The following NCAM1 variants were observed in gnomAD, a reference collection of about 807,000 sequenced individuals.
NCAM1 encodes the protein antigen recognized by monoclonal antibody 5.1H11.
Under a neutral mutation model 109.8 loss-of-function variants are expected in NCAM1, and 14 were observed. The observed-to-expected ratio is 0.13, with a 90% CI of 0.08 to 0.20. The LOEUF is 0.20. NCAM1 is among the 10% of genes least tolerant of loss of function. The pLI is 1.00. For synonymous variants in NCAM1, 418 were observed against 442.9 expected, an observed-to-expected ratio of 0.94 and a Z score of 0.70; for missense variants, 774 against 1,109.9, an observed-to-expected ratio of 0.70 and a Z score of 4.30.
intron 9 of NCAM1, chr11:113,231,425 C>T: frequency 1.0e-6 from 1 of 996,528 alleles, no homozygotes. Flanking sequence ...GTCTCATTTT[C>T]TGTTTCGGAT....
intron 9 of NCAM1, among the ~76,000 whole-genome samples, chr11:113,228,437 C>T (rs1944910133): frequency 6.6e-6 from 1 of 152,158 alleles, no homozygotes; most frequent in Non-Finnish European, 1.5e-5. Flanking sequence ...TAAGAGGATA[C>T]AAACAAATGG....
intron 1 of NCAM1, among the ~76,000 whole-genome samples, chr11:113,064,382 A>C (rs2135511410): frequency 6.6e-6 from 1 of 152,370 alleles, no homozygotes. Flanking sequence ...GGGTAAAAGA[A>C]TACATCTAAA....
chr11:113,064,784 C>T (rs1555083940), intron 1 of NCAM1, among the ~76,000 whole-genome samples: 1 of 152,154 alleles, frequency 6.6e-6, no homozygotes, highest in African/African-American at 2.4e-5. Flanking sequence ...TAATTTTCTT[C>T]TGAGGCACTT....
chr11:113,202,482 A>G, intron 2 of NCAM1, 29 bp downstream of exon 2: 1 of 1,584,798 alleles, frequency 6.3e-7, no homozygotes, highest in African/African-American at 1.4e-5. Context: ...GCTGCATTTT[A>G]GAACTTGCTT....
chr11:113,246,909 G>A lies in NCAM1; in HGVS notation c.1828+539G>A, dbSNP rs1462497413. Among the ~76,000 whole-genome samples, 4 of 152,214 alleles carry A rather than the reference G, an allele frequency of 2.6e-5. No homozygotes were observed. In the East Asian group the frequency reaches 7.7e-4, roughly 29 times the overall value. On this transcript the variant is annotated intron_variant, in intron 15 of 19. Coordinates refer to ENST00000316851, the MANE Select transcript of NCAM1 (RefSeq NM_181351.5). ...ACATTGAGGACTTTCTGAAATAAGA[G>A]ATTTAAGAATTTGGATTAGAGCAGT... is the stretch of plus-strand genomic sequence containing the variant.
intron 1 of NCAM1, among the ~76,000 whole-genome samples, chr11:113,004,446 C>G (rs890130965): frequency 6.6e-6 from 1 of 151,780 alleles, no homozygotes; most frequent in African/African-American, 2.4e-5. Flanking sequence ...GAGCCGAGAT[C>G]GTGCCACTGC....
At chr11:113,251,602 G>A (rs1271127162) in intron 15 of NCAM1, among the ~76,000 whole-genome samples, 1 of 152,154 alleles carries the variant, frequency 6.6e-6, no homozygotes, top group Non-Finnish European at 1.5e-5. Context: ...TTCCGTTGGT[G>A]TAGTCTTTAC....
At chr11:113,063,630 A>T (rs1296399274) in intron 1 of NCAM1, among the ~76,000 whole-genome samples, 3 of 152,164 alleles carry the variant, frequency 2.0e-5, no homozygotes, top group Admixed American at 2.0e-4. Context: ...CATTACTTGG[A>T]TGGGGTTCAG....
intron 1 of NCAM1, among the ~76,000 whole-genome samples, chr11:113,193,008 A>AT (rs1262849818): frequency 6.6e-6 from 1 of 152,188 alleles, no homozygotes; most frequent in Non-Finnish European, 1.5e-5. Context: ...GCTGCAGGAC[A>AT]TTCCTGCCTT....
At position 113,045,890 on chromosome 11, in the gene NCAM1, T is replaced by C. The variant is rs117138879; in HGVS notation, c.52+84226T>C. Among the ~76,000 whole-genome samples, 871 of 152,244 alleles carry C rather than the reference T, an allele frequency of 5.7e-3. 3 individuals are homozygous for C. The highest frequency in any genetic ancestry group is 0.014 in the Middle Eastern group (4 of 294). ...GGCTTTCTAACTGTGTTACATTATC[T>C]GCTGATCAGCTTTGGAAATGTTAGA... On this transcript the variant is annotated intron_variant, in intron 1 of 19. Transcript: ENST00000316851.
chr11:113,232,724 C>A lies in NCAM1; in HGVS notation c.1432C>A (p.Pro478Thr). Residue 478 changes from proline to threonine, a missense_variant, in exon 12 of 20, where the codon CCA becomes ACA. Physicochemically the swap from Pro to Thr is conservative, Grantham distance 38. Around this residue, in one of 4 missense-constraint regions of NCAM1, gnomAD observed 523 missense variants for 784.2 expected, o/e 0.67. Coordinates refer to ENST00000316851, the MANE Select transcript of NCAM1 (RefSeq NM_181351.5). ...TAGCTTCTTCCTTCTAAAGGTGACCCCAGACTCTGAGAATGATTTTGGGAA... is the reference window on the plus strand; with the variant it reads ...TAGCTTCTTCCTTCTAAAGGTGACCACAGACTCTGAGAATGATTTTGGGAA... ...TPSASYLEVT[P>T]DSENDFGNYN... 1 of 1,613,308 alleles carries A rather than the reference C, an allele frequency of 6.2e-7. No individual in the cohort carries two copies. Among genetic ancestry groups the A allele is most frequent in the Non-Finnish European group, 8.5e-7 (1 of 1,179,278 alleles).
At chr11:113,161,590 T>C (rs1565471695) in intron 1 of NCAM1, among the ~76,000 whole-genome samples, 4 of 152,242 alleles carry the variant, frequency 2.6e-5, no homozygotes, top group African/African-American at 7.2e-5. Context: ...AAAAAACATT[T>C]AGTGCTTTTA....
intron 1 of NCAM1, chr11:113,003,710 C>T (rs1951815320): frequency 6.6e-6 from 1 of 152,178 alleles, no homozygotes; most frequent in South Asian, 2.1e-4. Context: ...AGAAGTGTTC[C>T]ATTTACAACA....
chr11:113,137,050 A>G (rs1484915622), intron 1 of NCAM1, among the ~76,000 whole-genome samples: 1 of 152,160 alleles, frequency 6.6e-6, no homozygotes, highest in Non-Finnish European at 1.5e-5. Context: ...CCAAGAAGGG[A>G]AGGAAAGATT....
In NCAM1 at chr11:113,025,824, G is replaced by GA. The variant is rs1555077212; in HGVS notation, c.52+64160_52+64161insA. Among the ~76,000 whole-genome samples, 698 of 86,584 alleles carry GA rather than the reference G, an allele frequency of 8.1e-3. 4 individuals are homozygous for GA. The highest frequency in any genetic ancestry group is 0.011 in the Non-Finnish European group (445 of 41,284). 56.8% of individuals were successfully genotyped at this position (86,584 alleles called of 152,430 possible). ...GAGAGAGAGAGAGAGAGAGAGAGAG[G>GA]GAGAGAGAGAACTGTAAACATGTAA... On this transcript the variant is annotated intron_variant, in intron 1 of 19. Coordinates refer to ENST00000316851, the MANE Select transcript of NCAM1 (RefSeq NM_181351.5).
At chr11:113,219,397 A>T (rs553433775) in intron 8 of NCAM1, among the ~76,000 whole-genome samples, 5 of 152,366 alleles carry the variant, frequency 3.3e-5, no homozygotes, top group Admixed American at 2.6e-4. Context: ...GGAATACCTA[A>T]GAAAACTATA....
chr11:113,111,019 A>G (rs555977846), intron 1 of NCAM1, among the ~76,000 whole-genome samples: 6 of 152,324 alleles, frequency 3.9e-5, no homozygotes, highest in Non-Finnish European at 8.8e-5. Flanking sequence ...TTTAACCCCT[A>G]GTTTAAATAT....
rs149329653 is a variant in NCAM1 at position 113,148,076 on chromosome 11, T to C, written c.53-54303T>C. Among the ~76,000 whole-genome samples, 208 of 152,324 alleles carry C rather than the reference T, an allele frequency of 1.4e-3. 1 individual carries two copies. Among genetic ancestry groups the C allele is most frequent in the African/African-American group, 4.7e-3 (196 of 41,584 alleles). ...TATTTTTTGAGTACCACACAGAGAA[T>C]AGAAGCAGATAAACATCTTCTCTCC... On this transcript the variant is annotated intron_variant, in intron 1 of 19. Transcript: ENST00000316851.
intron 13 of NCAM1, among the ~76,000 whole-genome samples, chr11:113,234,452 T>A (rs1423396865): frequency 3.9e-5 from 6 of 152,202 alleles, no homozygotes; most frequent in African/African-American, 1.4e-4. Context: ...CTTCATTCAC[T>A]ACCTCCTCCC....
Sources: gnomAD v4.1 joint callset for allele counts (sites outside exome capture counted in the v4.1 genomes callset) on GRCh38, gnomAD v4.1.1 for gene constraint, gnomAD v4.1.1 regional missense constraint, MANE v1.5 for transcripts, NCBI Gene and HGNC (gene_info 2026-07-23, HGNC 2026-07-21) for gene names.